PHF20: variants seen among roughly 807,000 people sequenced by gnomAD.
PHF20 encodes PHD finger protein 20, also known as glioma-expressed antigen 2.
A neutral mutation model predicts 113.5 loss-of-function variants in PHF20; 23 were observed. That is an observed-to-expected ratio of 0.20 (90% confidence interval 0.15 to 0.29). The LOEUF (loss-of-function observed/expected upper bound fraction) is 0.29, where lower values mean the gene tolerates loss of function less well. Ranked by LOEUF, PHF20 falls within the 10% of genes least tolerant of loss-of-function variation. The probability of loss-of-function intolerance (pLI) is 1.00; values close to 1 mark genes in which losing one functional copy is unlikely to be tolerated. For synonymous variants in PHF20, 434 were observed against 457.3 expected (o/e 0.95, Z 0.65); for missense variants, 943 against 1,219.6 (o/e 0.77, Z 3.38).
At chr20:35,850,734 C>A (rs963712486) in intron 4 of PHF20, 36 of 519,980 alleles carry the variant, frequency 6.9e-5, no homozygotes, top group African/African-American at 1.9e-5. Flanking sequence ...CCATTCTATT[C>A]CAATTTGTGT....
At chr20:35,866,789 C>T (rs936324984) in intron 6 of PHF20, among the ~76,000 whole-genome samples, 1 of 152,120 alleles carries the variant, frequency 6.6e-6, no homozygotes, top group African/African-American at 2.4e-5. Context: ...CCTTTGAAGC[C>T]ACATGACTCC....
intron 9 of PHF20, among the ~76,000 whole-genome samples, chr20:35,897,508 T>TC (rs1459414076): frequency 1.3e-5 from 2 of 151,330 alleles, no homozygotes; most frequent in East Asian, 1.9e-4. Flanking sequence ...TAATTATAGT[T>TC]CCCCCATAGT....
chr20:35,822,136 GC>G (rs1489360009), intron 2 of PHF20, among the ~76,000 whole-genome samples: 1 of 152,198 alleles, frequency 6.6e-6, no homozygotes, highest in Non-Finnish European at 1.5e-5. Flanking sequence ...GAGTGCGGTG[GC>G]TCACGCCTGT....
chr20:35,913,377 G>A, intron 11 of PHF20, 30 bp downstream of exon 11: 1 of 1,479,316 alleles, frequency 6.8e-7, no homozygotes, highest in Non-Finnish European at 9.4e-7. Context: ...GTTTCACTTA[G>A]GTTTCCTTAC....
chr20:35,899,518 T>C lies in PHF20; in HGVS notation c.1431T>C (p.His477=), dbSNP rs1163498817. The change falls in exon 10 of 18, where the codon CAT becomes CAC. Residue 477 remains histidine, a synonymous_variant. Transcript: ENST00000374012. ...KLLHYHMKYF[H]GMEKSLEPEE... ...TGCACTATCACATGAAGTATTTCCATGGAATGGAGAAGTCACTGGAGCCAG... is the reference window on the plus strand; with the variant it reads ...TGCACTATCACATGAAGTATTTCCACGGAATGGAGAAGTCACTGGAGCCAG... 1.2e-6 allele frequency: 2 copies of C among 1,614,016 alleles called. No homozygotes were observed. The highest frequency in any genetic ancestry group is 1.7e-6 in the Non-Finnish European group (2 of 1,180,026).
intron 13 of PHF20, among the ~76,000 whole-genome samples, chr20:35,920,288 G>A (rs767069407): frequency 6.6e-6 from 1 of 152,120 alleles, no homozygotes; most frequent in Non-Finnish European, 1.5e-5. Flanking sequence ...CCATGTTGTT[G>A]TGTGTTTCAG....
intron 10 of PHF20, among the ~76,000 whole-genome samples, chr20:35,905,762 G>A (rs974402057): frequency 5.3e-5 from 8 of 152,212 alleles, no homozygotes; most frequent in Non-Finnish European, 1.2e-4. Context: ...CCTGTGCCAG[G>A]AATAGGCATA....
Position 35,913,229 on chromosome 20 carries a change from AC to A in PHF20, c.1562-19del. 6.4e-7 allele frequency: 1 copy of A among 1,551,714 alleles called. No individual in the cohort carries two copies. Among genetic ancestry groups the A allele is most frequent in the Non-Finnish European group, 8.9e-7 (1 of 1,127,098 alleles). ...TTGAAAACAAAATGTTAAAATGCCA[AC>A]ATTTGTGTTTAATTCTAGCTACAAA... On this transcript the variant is annotated intron_variant, in intron 10 of 17. Coordinates refer to ENST00000374012, the MANE Select transcript of PHF20 (RefSeq NM_016436.5).
chr20:35,916,529 G>A (rs927495315), intron 12 of PHF20, among the ~76,000 whole-genome samples: 2 of 152,170 alleles, frequency 1.3e-5, no homozygotes, highest in African/African-American at 2.4e-5. Context: ...GTGCAGTGGC[G>A]TGATCTTGGC....
chr20:35,894,290 T>TA (rs140984281), intron 9 of PHF20, among the ~76,000 whole-genome samples: 84 of 152,378 alleles, frequency 5.5e-4, no homozygotes, highest in African/African-American at 1.8e-3. Flanking sequence ...TGATGTATTT[T>TA]ATATTTGAAA....
At chr20:35,803,399 C>A (rs2041821266) in intron 2 of PHF20, among the ~76,000 whole-genome samples, 1 of 150,966 alleles carries the variant, frequency 6.6e-6, no homozygotes, top group Non-Finnish European at 1.5e-5. Context: ...TCTCGGCTCA[C>A]TGCAGTCTTT....
At chr20:35,797,722 A>C (rs907200733) in intron 1 of PHF20, among the ~76,000 whole-genome samples, 21 of 149,542 alleles carry the variant, frequency 1.4e-4, no homozygotes, top group Non-Finnish European at 4.5e-5. Context: ...CACGATGTCA[A>C]CTCACTGCAA....
At chr20:35,925,389 A>G (rs963970154) in intron 13 of PHF20, among the ~76,000 whole-genome samples, 2 of 151,760 alleles carry the variant, frequency 1.3e-5, no homozygotes, top group Non-Finnish European at 2.9e-5. Context: ...CAGCCTCCCA[A>G]GTAGCTGAGA....
At chr20:35,897,854 A>G (rs899546470) in intron 9 of PHF20, among the ~76,000 whole-genome samples, 3 of 149,290 alleles carry the variant, frequency 2.0e-5, no homozygotes, top group East Asian at 2.0e-4. Flanking sequence ...GGTGTGAGCC[A>G]CCACGCCCGG....
intron 1 of PHF20, among the ~76,000 whole-genome samples, chr20:35,785,908 T>C (rs1005736822): frequency 6.0e-5 from 9 of 150,680 alleles, no homozygotes; most frequent in Non-Finnish European, 1.2e-4. Context: ...TGCAGGTGCC[T>C]GTCATCTCAG....
chr20:35,873,783 T>C (rs1283153351), intron 9 of PHF20, among the ~76,000 whole-genome samples: 1 of 152,214 alleles, frequency 6.6e-6, no homozygotes, highest in Non-Finnish European at 1.5e-5. Flanking sequence ...TGTTAGCTTT[T>C]AGCTGTATTT....
At chr20:35,931,174 A>T in intron 14 of PHF20, 75 bp from the exon 15 acceptor site, 1 of 977,346 alleles carries the variant, frequency 1.0e-6, no homozygotes, top group African/African-American at 1.6e-5. Flanking sequence ...TTGGTATGAT[A>T]ATTGTGTGAG....
At chr20:35,805,699 C>T (rs770624040) in intron 2 of PHF20, among the ~76,000 whole-genome samples, 1 of 151,880 alleles carries the variant, frequency 6.6e-6, no homozygotes, top group Non-Finnish European at 1.5e-5. Context: ...AGGCTGATCT[C>T]GAATTCCTGG....
chr20:35,905,127 TCTC>T (rs1219196148), intron 10 of PHF20, among the ~76,000 whole-genome samples: 1 of 152,064 alleles, frequency 6.6e-6, no homozygotes, highest in Non-Finnish European at 1.5e-5. Context: ...GCCTGGCTGA[TCTC>T]CTCATTTCTA....
Sources: gnomAD v4.1 joint callset for allele counts (sites outside exome capture counted in the v4.1 genomes callset) on GRCh38, gnomAD v4.1.1 for gene constraint, MANE v1.5 for transcripts, NCBI Gene and HGNC (gene_info 2026-07-23, HGNC 2026-07-21) for gene names.